Variants in ZNF263 observed in about 807,000 individuals in gnomAD.
The protein encoded by ZNF263 is zinc finger protein FPM315.
Under a neutral mutation model 63.1 loss-of-function variants are expected in ZNF263, and 49 were observed. That is an observed-to-expected ratio of 0.78 (90% CI 0.62 to 0.99). The LOEUF is 0.99. Among genes scored for constraint, ZNF263 ranks in the 50% least tolerant of loss-of-function variants. ZNF263 has a pLI of 0.00. For synonymous variants in ZNF263, 352 were observed against 324.2 expected (o/e 1.09, Z -0.92); for missense variants, 872 against 854.8 (o/e 1.02, Z -0.25).
Position 3,290,089 on chromosome 16 carries a change from C to T in ZNF263, c.1583C>T (p.Ser528Phe). The change falls in exon 6 of 6, where the codon TCT becomes TTT. Residue 528 changes from serine to phenylalanine, a missense_variant. Coordinates refer to ENST00000219069, the MANE Select transcript of ZNF263 (RefSeq NM_005741.5). ...TGTCCCGAGTGTGGGAAAAGTTTCT[C>T]TCGGAGTTCACACCTCGTCATTCAC... is the stretch of plus-strand genomic sequence containing the variant. ...YKCPECGKSFSRSSHLVIHER... is the reference protein window; with the variant it reads ...YKCPECGKSFFRSSHLVIHER... 6.2e-7 allele frequency: 1 copy of T among 1,614,164 alleles called. No homozygotes were observed. Among genetic ancestry groups the T allele is most frequent in the Non-Finnish European group, 8.5e-7 (1 of 1,180,026 alleles).
At chr16:3,300,040 T>C in intron 2 of ZNF263, 1 of 1,614,210 alleles carries the variant, frequency 6.2e-7, no homozygotes. Context: ...CCTACTTGCC[T>C]GAGAATTTTC....
Position 3,284,157 on chromosome 16 carries a change from G to T in ZNF263, c.339G>T (p.Val113=). The part of the protein sequence containing the change: ...ELHPESGEEA[V]TLVEDMQREL... ...ATCCGGAGAGCGGCGAAGAAGCGGT[G>T]ACCCTTGTGGAGGATATGCAGAGAG... Residue 113 remains valine (V), a synonymous_variant, in exon 1 of 6, where the codon GTG becomes GTT. Coordinates refer to ENST00000219069, the MANE Select transcript of ZNF263 (RefSeq NM_005741.5). 1 of 1,589,826 alleles carries T rather than the reference G, an allele frequency of 6.3e-7. No homozygotes were observed. The highest frequency in any genetic ancestry group is 8.6e-7 in the Non-Finnish European group (1 of 1,167,178).
chr16:3,300,985 A>G (rs572625617), exon 3 of ZNF263: 5 of 191,786 alleles, frequency 2.6e-5, no homozygotes, highest in African/African-American at 9.5e-5. Flanking sequence ...AAAACGGACA[A>G]TATGAAGAGA....
intron 2 of ZNF263, chr16:3,300,376 A>C (rs910186787): frequency 6.2e-7 from 1 of 1,614,108 alleles, no homozygotes; most frequent in Non-Finnish European, 8.5e-7. Context: ...CGCATCATCT[A>C]CATCACCATA....
At chr16:3,292,154 A>G (rs1959628291), downstream of ZNF263, among the ~76,000 whole-genome samples, 1 of 152,106 alleles carries the variant, frequency 6.6e-6, no homozygotes, top group East Asian at 1.9e-4. Context: ...TGCCAGGAAA[A>G]CACCTCAGGA....
At chr16:3,285,991 CAG>C (rs753031223) in intron 3 of ZNF263, 30 bp from the exon 4 acceptor site, 1 of 1,613,740 alleles carries the variant, frequency 6.2e-7, no homozygotes, top group Non-Finnish European at 8.5e-7. Context: ...CTTGGTGCAT[CAG>C]GGGCTAAAGG....
intron 1 of ZNF263, 109 bp from the exon 2 acceptor site, chr16:3,284,950 A>G: frequency 6.5e-6 from 9 of 1,384,526 alleles, no homozygotes; most frequent in Non-Finnish European, 8.9e-6. Flanking sequence ...CCTGGGCCCA[A>G]AGGGATCGCC....
At position 3,290,440 on chromosome 16, in the gene ZNF263, A is replaced by G. The variant is rs1215706977; in HGVS notation, c.1934A>G (p.Asn645Ser). Residue 645 changes from asparagine to serine, a missense_variant, in exon 6 of 6, where the codon AAT becomes AGT. Asn to Ser is a conservative substitution (Grantham distance 46). Transcript: ENST00000219069. ...ECGDSFSHSS[N>S]RIRHLRTHTG... ...GGAGACAGCTTCTCTCACAGCTCCA[A>G]TCGGATTCGCCACCTGAGAACGCAT... 5 of 1,614,152 alleles carry G rather than the reference A, an allele frequency of 3.1e-6. No homozygotes were observed. Among genetic ancestry groups the G allele is most frequent in the African/African-American group, 1.3e-5 (1 of 75,032 alleles).
Position 3,283,669 on chromosome 16 carries a change from C to G in ZNF263, c.-150C>G, listed in dbSNP as rs1959232593. On this transcript the variant is annotated 5_prime_UTR_variant, in exon 1 of 6. Coordinates refer to ENST00000219069, the MANE Select transcript of ZNF263 (RefSeq NM_005741.5). Reference sequence around the variant, plus strand: ...CTGAGGCCTAGGCGCCGGAGCCGGCCGCGCCTGGGCTGGAGCGGGGCTCCT... The same window carrying G: ...CTGAGGCCTAGGCGCCGGAGCCGGCGGCGCCTGGGCTGGAGCGGGGCTCCT... 1.7e-5 allele frequency: 22 copies of G among 1,266,364 alleles called. No individual in the cohort carries two copies. Among genetic ancestry groups the G allele is most frequent in the Non-Finnish European group, 2.2e-5 (22 of 998,984 alleles). 78.4% of individuals were successfully genotyped at this position (1,266,364 alleles called of 1,614,324 possible).
At chr16:3,284,953 G>T in intron 1 of ZNF263, 106 bp from the exon 2 acceptor site, 1 of 1,393,144 alleles carries the variant, frequency 7.2e-7, no homozygotes, top group Non-Finnish European at 9.9e-7. Flanking sequence ...GGGCCCAAAG[G>T]GATCGCCTGA....
chr16:3,290,131 G>A lies in ZNF263; in HGVS notation c.1625G>A (p.Arg542Lys). The change falls in exon 6 of 6, where the codon AGA (arginine) becomes AAA (lysine). Residue 542 changes from arginine (R) to lysine (K), a missense_variant. Physicochemically the swap from Arg to Lys is conservative, Grantham distance 26 (BLOSUM62 2). Coordinates refer to ENST00000219069, the MANE Select transcript of ZNF263 (RefSeq NM_005741.5). Reference sequence around the variant, plus strand: ...GTCATTCACGAAAGAACTCATGAGAGAGAGAGACTTTACCCCTTCTCTGAG... The same window carrying A: ...GTCATTCACGAAAGAACTCATGAGAAAGAGAGACTTTACCCCTTCTCTGAG... ...HLVIHERTHERERLYPFSECG... is the reference protein window; with the variant it reads ...HLVIHERTHEKERLYPFSECG... 5 of 1,614,194 alleles carry A rather than the reference G, an allele frequency of 3.1e-6. No homozygotes were observed. Among genetic ancestry groups the A allele is most frequent in the Non-Finnish European group, 4.2e-6 (5 of 1,180,028 alleles).
intron 1 of ZNF263, among the ~76,000 whole-genome samples, chr16:3,298,114 T>A (rs777014865): frequency 6.6e-5 from 10 of 152,180 alleles, no homozygotes; most frequent in Non-Finnish European, 1.2e-4. Flanking sequence ...TAAAAAACCA[T>A]CAAATGTGAG....
downstream of ZNF263, among the ~76,000 whole-genome samples, chr16:3,294,557 T>C (rs1266243659): frequency 1.3e-5 from 2 of 152,338 alleles, no homozygotes; most frequent in East Asian, 3.9e-4. Flanking sequence ...TATTGACTTC[T>C]GTTCTTGAAA....
At chr16:3,298,150 G>A (rs763161519) in intron 1 of ZNF263, among the ~76,000 whole-genome samples, 1 of 152,200 alleles carries the variant, frequency 6.6e-6, no homozygotes, top group African/African-American at 2.4e-5. Flanking sequence ...TGACCTAAGG[G>A]AAACTCTCAG....
downstream of ZNF263, among the ~76,000 whole-genome samples, chr16:3,295,122 C>T (rs994238452): frequency 6.6e-6 from 1 of 152,182 alleles, no homozygotes; most frequent in Admixed American, 6.5e-5. Context: ...CAGAGACTCC[C>T]TTTTCAGGCT....
At chr16:3,289,289 AGCCCTTC>A in intron 5 of ZNF263, 97 bp from the exon 6 acceptor site, 4 of 1,256,722 alleles carry the variant, frequency 3.2e-6, no homozygotes, top group Non-Finnish European at 4.3e-6. Context: ...AGGTAGAAGC[AGCCCTTC>A]TGGGCTGCTG....
downstream of ZNF263, among the ~76,000 whole-genome samples, chr16:3,292,341 T>A (rs1959633616): frequency 6.6e-6 from 1 of 152,174 alleles, no homozygotes; most frequent in Non-Finnish European, 1.5e-5. Flanking sequence ...TCTGAGCCAG[T>A]TTTTTAATAT....
At chr16:3,285,002 A>G (rs186349897) in intron 1 of ZNF263, 57 bp from the exon 2 acceptor site, 1 of 1,595,230 alleles carries the variant, frequency 6.3e-7, no homozygotes, top group Non-Finnish European at 8.6e-7. Flanking sequence ...ATCCTATACT[A>G]ATTTCCCTTC....
chr16:3,300,735 C>A, intron 2 of ZNF263: 1 of 1,447,438 alleles, frequency 6.9e-7, no homozygotes. Flanking sequence ...AAGGCATGGG[C>A]ATTGTATTGG....
Sources: gnomAD v4.1 joint callset for allele counts (sites outside exome capture counted in the v4.1 genomes callset) on GRCh38, gnomAD v4.1.1 for gene constraint, MANE v1.5 for transcripts, NCBI Gene and HGNC (gene_info 2026-07-23, HGNC 2026-07-21) for gene names.